ZFP64: variants seen among roughly 807,000 people sequenced by gnomAD.
ZFP64 encodes the protein zinc finger protein 64.
ZFP64 carries 14 observed loss-of-function variants against 51.6 expected under a neutral mutation model. The observed-to-expected ratio is 0.27, with a 90% CI of 0.18 to 0.42. The LOEUF is 0.42. ZFP64 is among the 10% of genes least tolerant of loss of function. The pLI is 1.00. For synonymous variants in ZFP64, 375 were observed against 361.4 expected (o/e 1.04, Z -0.43); for missense variants, 754 against 906.8 (o/e 0.83, Z 2.16).
chr20:52,160,249 C>T lies in ZFP64; in HGVS notation c.637G>A (p.Ala213Thr). The T allele has an allele frequency of 6.2e-7, 1 of 1,614,158 alleles. No individual in the cohort carries two copies. The highest frequency in any genetic ancestry group is 8.5e-7 in the Non-Finnish European group (1 of 1,180,036). Reference protein sequence around the residue: ...YKCKTCDYAAADSSSLNKHLR... With the variant: ...YKCKTCDYAATDSSSLNKHLR... Reference sequence around the variant, plus strand: ...TGCTTGTTGAGGCTGCTGCTGTCGGCAGCGGCGTAGTCACACGTCTTACAC... The same window carrying T: ...TGCTTGTTGAGGCTGCTGCTGTCGGTAGCGGCGTAGTCACACGTCTTACAC... Residue 213 changes from alanine (A) to threonine (T), a missense_variant, in exon 5 of 6, where the codon GCC becomes ACC. Physicochemically the swap from Ala to Thr is moderately conservative, Grantham distance 58 (BLOSUM62 0). Transcript: ENST00000216923. The surrounding 1 kb of genome is among the most constrained non-coding windows in gnomAD (Gnocchi z 4.2).
At chr20:52,186,501 C>T (rs1983972841) in intron 2 of ZFP64, among the ~76,000 whole-genome samples, 1 of 146,816 alleles carries the variant, frequency 6.8e-6, no homozygotes, top group Non-Finnish European at 1.5e-5. Context: ...ACTTCCACCA[C>T]CCAAAACAAC....
chr20:52,159,952 G>T (rs1981637752), intron 5 of ZFP64, among the ~76,000 whole-genome samples, 171 bp downstream of exon 5: 2 of 152,110 alleles, frequency 1.3e-5, no homozygotes, highest in Admixed American at 1.3e-4. Context: ...TCCAGCCAGG[G>T]CAACAGAGCG....
At chr20:52,154,271 C>T (rs888069772) in intron 5 of ZFP64, among the ~76,000 whole-genome samples, 1 of 152,146 alleles carries the variant, frequency 6.6e-6, no homozygotes, top group African/African-American at 2.4e-5. Context: ...CTGAGCACTC[C>T]ACAAGCATGG....
intron 5 of ZFP64, among the ~76,000 whole-genome samples, chr20:52,137,735 C>T (rs931122291): frequency 6.6e-6 from 1 of 152,154 alleles, no homozygotes; most frequent in African/African-American, 2.4e-5. Flanking sequence ...CAGCAAAACT[C>T]AGAATTTGAG....
intron 5 of ZFP64, among the ~76,000 whole-genome samples, chr20:52,115,227 C>A (rs1978803178): frequency 6.8e-6 from 1 of 147,422 alleles, no homozygotes; most frequent in African/African-American, 2.5e-5. Context: ...AAACACCAGG[C>A]TGGATTTATG....
At chr20:52,146,591 A>C (rs1600751329), downstream of ZFP64, among the ~76,000 whole-genome samples, 2 of 94,664 alleles carry the variant, frequency 2.1e-5, no homozygotes, top group Non-Finnish European at 4.1e-5. Flanking sequence ...GGGTGGGGGG[A>C]GGGGAGAGGG....
intron 5 of ZFP64, among the ~76,000 whole-genome samples, chr20:52,109,496 C>A (rs1978433476): frequency 6.6e-6 from 1 of 151,944 alleles, no homozygotes; most frequent in South Asian, 2.1e-4. Context: ...AAATCTGTTG[C>A]TGGCTGAGTG....
intron 8 of ZFP64, among the ~76,000 whole-genome samples, chr20:52,086,405 CTG>C (rs745313095): frequency 2.0e-5 from 3 of 151,836 alleles, no homozygotes; most frequent in African/African-American, 4.8e-5. Context: ...CTTGATTAGA[CTG>C]TGTTTCTTGA....
chr20:52,188,205 A>T (rs576001929), intron 1 of ZFP64, among the ~76,000 whole-genome samples: 31 of 152,116 alleles, frequency 2.0e-4, no homozygotes, highest in Non-Finnish European at 4.3e-4. Context: ...TCAACACTGC[A>T]ATCAATCAAT....
intron 2 of ZFP64, among the ~76,000 whole-genome samples, chr20:52,180,632 C>T (rs1347902071): frequency 6.7e-6 from 1 of 150,324 alleles, no homozygotes; most frequent in Non-Finnish European, 1.5e-5. Context: ...GAGCTCTGTG[C>T]TAACAATCCA....
At chr20:52,138,456 G>T (rs867980620) in intron 5 of ZFP64, among the ~76,000 whole-genome samples, 1 of 151,652 alleles carries the variant, frequency 6.6e-6, no homozygotes, top group South Asian at 2.1e-4. Context: ...AACAGAATGG[G>T]CAGATATGAA....
chr20:52,104,976 G>T (rs1202737908), intron 5 of ZFP64: 2 of 845,848 alleles, frequency 2.4e-6, no homozygotes, highest in Admixed American at 2.9e-5. Flanking sequence ...CAAAGGCGGG[G>T]GGCGGGGACG....
intron 5 of ZFP64, among the ~76,000 whole-genome samples, chr20:52,126,351 A>G (rs1979445258): frequency 6.6e-6 from 1 of 152,160 alleles, no homozygotes; most frequent in South Asian, 2.1e-4. Flanking sequence ...TGGAATTTCA[A>G]CCCAGTTCTT....
chr20:52,135,908 G>A (rs2122894206), intron 5 of ZFP64, among the ~76,000 whole-genome samples: 1 of 151,720 alleles, frequency 6.6e-6, no homozygotes, highest in Non-Finnish European at 1.5e-5. Flanking sequence ...AGACCAGCCT[G>A]GCCAACATGG....
intron 5 of ZFP64, among the ~76,000 whole-genome samples, chr20:52,101,174 T>C (rs552218534): frequency 1.3e-5 from 2 of 152,276 alleles, no homozygotes; most frequent in East Asian, 3.9e-4. Flanking sequence ...CAAAGGTCAA[T>C]AGGGCTGGGG....
intron 7 of ZFP64, among the ~76,000 whole-genome samples, chr20:52,090,283 C>G (rs932254520): frequency 2.0e-5 from 3 of 152,164 alleles, no homozygotes. Flanking sequence ...AAGACAGGAA[C>G]AGGATCTTCA....
Position 52,124,112 on chromosome 20 carries a change from C to T in ZFP64, c.764-25525G>A, listed in dbSNP as rs532812843. The stretch of plus-strand genomic sequence containing the variant: ...GTCTGGATCTCCTGACCTTGCGATC[C>T]GCCTGCCTCGGCCTCCCAAAGTGCT... On this transcript the variant is annotated intron_variant, in intron 5 of 8. Transcript: ENST00000361387. 5.9e-5 allele frequency among the ~76,000 whole-genome samples: 9 copies of T among 151,668 alleles called. No homozygotes were observed. The East Asian group carries it at 1.2e-3, about 20-fold the overall frequency.
At chr20:52,117,431 C>A (rs558452181) in intron 5 of ZFP64, among the ~76,000 whole-genome samples, 17 of 152,192 alleles carry the variant, frequency 1.1e-4, no homozygotes, top group South Asian at 1.0e-3. Context: ...TCTGCCTGCC[C>A]AACATGGTGA....
At chr20:52,084,863 C>T (rs375085680) in exon 9 of ZFP64, 888 of 1,613,834 alleles carry the variant, frequency 5.5e-4, no homozygotes, top group Non-Finnish European at 6.9e-4. Flanking sequence ...CCCTGTGCAC[C>T]TTGTCGACGT....
Sources: gnomAD v4.1 joint callset for allele counts (sites outside exome capture counted in the v4.1 genomes callset) on GRCh38, gnomAD v4.1.1 for gene constraint, Gnocchi (gnomAD v3.1) non-coding constraint, MANE v1.5 for transcripts, NCBI Gene and HGNC (gene_info 2026-07-23, HGNC 2026-07-21) for gene names.